Variants in MCF2L2 observed in about 807,000 individuals in gnomAD.
MCF2L2 encodes MCF.2 cell line derived transforming sequence-like 2.
A neutral mutation model predicts 150.2 loss-of-function variants in MCF2L2; 102 were observed. The ratio of observed to expected loss-of-function variants is 0.68; its 90% CI spans 0.58 to 0.80. The LOEUF (loss-of-function observed/expected upper bound fraction) is 0.80. MCF2L2 is among the 30% of genes least tolerant of loss of function. MCF2L2 has a pLI of 0.00. For missense variants in MCF2L2, 1,256 were observed against 1,372.8 expected (o/e 0.91, Z 1.34); for synonymous variants, 465 against 491.3 (o/e 0.95, Z 0.71).
At chr3:183,366,572 C>A (rs187791415) in intron 3 of MCF2L2, among the ~76,000 whole-genome samples, 1 of 151,876 alleles carries the variant, frequency 6.6e-6, no homozygotes, top group Non-Finnish European at 1.5e-5. Context: ...TGGAACCCAG[C>A]GGGGCAAAGG....
intron 1 of MCF2L2, among the ~76,000 whole-genome samples, chr3:183,401,427 A>T (rs1170197965): frequency 6.6e-6 from 1 of 152,198 alleles, no homozygotes; most frequent in Non-Finnish European, 1.5e-5. Context: ...TTAAAAAAAA[A>T]ATTTTTTTAA....
intron 22 of MCF2L2, among the ~76,000 whole-genome samples, chr3:183,215,237 C>T (rs1722871332): frequency 6.6e-6 from 1 of 152,134 alleles, no homozygotes; most frequent in Admixed American, 6.5e-5. Context: ...TTGTGCTGCT[C>T]TAAGCCACCA....
chr3:183,386,667 G>C (rs2108595060), intron 2 of MCF2L2, among the ~76,000 whole-genome samples: 2 of 152,300 alleles, frequency 1.3e-5, no homozygotes, highest in African/African-American at 4.8e-5. Context: ...ATCAGGAAAA[G>C]GAAGCTGCTA....
chr3:183,229,678 T>C lies in MCF2L2; in HGVS notation c.2033A>G (p.Glu678Gly). ...AATTATTATATACCTGTTGTGAAAT[T>C]CGTAAAGTTCTCTAATATTCCCAAA... ...FLFGNIRELY[E>G]FHNRTFLKEL... Residue 678 changes from glutamate (E) to glycine (G), a missense_variant, in exon 17 of 30, where the codon GAA becomes GGA. Coordinates refer to ENST00000328913, the MANE Select transcript of MCF2L2 (RefSeq NM_015078.4). 1 of 1,517,828 alleles carries C rather than the reference T, an allele frequency of 6.6e-7. No individual in the cohort carries two copies. 94.0% of individuals were successfully genotyped at this position (1,517,828 alleles called of 1,614,324 possible).
intron 3 of MCF2L2, among the ~76,000 whole-genome samples, chr3:183,363,396 G>A (rs996222536): frequency 1.3e-5 from 2 of 152,146 alleles, no homozygotes; most frequent in African/African-American, 4.8e-5. Flanking sequence ...ATTCATAATT[G>A]CCAAAACTGA....
chr3:183,357,059 T>G (rs1711829694), intron 3 of MCF2L2, among the ~76,000 whole-genome samples: 1 of 152,182 alleles, frequency 6.6e-6, no homozygotes, highest in Admixed American at 6.5e-5. Flanking sequence ...ATTAGTCATC[T>G]AGTAATGAAA....
At chr3:183,399,073 C>A (rs998709347) in intron 1 of MCF2L2, among the ~76,000 whole-genome samples, 1 of 152,044 alleles carries the variant, frequency 6.6e-6, no homozygotes, top group Non-Finnish European at 1.5e-5. Context: ...CAATTCAAGC[C>A]TTGTAAGGAT....
At chr3:183,193,349 TTTTC>T (rs200746505) in intron 26 of MCF2L2, among the ~76,000 whole-genome samples, 5,614 of 136,778 alleles carry the variant, frequency 0.041, 341 homozygotes, top group African/African-American at 0.16. Context: ...CTTTTTTTCT[TTTTC>T]TTTCTTTTTT....
rs550400693 is a variant in MCF2L2 at position 183,218,403 on chromosome 3, AG to A, written c.2370+1452del. Among the ~76,000 whole-genome samples the A allele has an allele frequency of 2.4e-3, 372 of 152,174 alleles. 1 individual carries two copies. The highest frequency in any genetic ancestry group is 8.6e-3 in the African/African-American group (358 of 41,514). The stretch of plus-strand genomic sequence containing the variant: ...GTAATCCCAGCACTTTGGGAGGCCG[AG>A]GGGGGGAGTGGATCACGAGGTCACG... On this transcript the variant is annotated intron_variant, in intron 21 of 29. Transcript: ENST00000328913.
chr3:183,298,765 G>GCGCGCGCGCGCGCGCACACACACACACA lies in MCF2L2; in HGVS notation c.1305+1239_1305+1240insTGTGTGTGTGTGTGCGCGCGCGCGCGCG. The GCGCGCGCGCGCGCGCACACACACACACA allele has an allele frequency of 1.2e-4, 17 of 138,584 alleles. No individual in the cohort carries two copies. The East Asian group carries it at 1.6e-3, about 13-fold the overall frequency. The allele number at this position is 138,584 out of a possible 1,614,324, so 8.6% of individuals were successfully genotyped here. A position where few individuals can be genotyped will look rare whatever the true frequency, so the allele number is the denominator to read the frequency against. ...CCCTCTCTCTCTCTCAAACACACAT[G>GCGCGCGCGCGCGCGCACACACACACACA]CACACACACACACACACACACACAC... On this transcript the variant is annotated intron_variant, in intron 11 of 29. Transcript: ENST00000328913.
chr3:183,384,060 T>G (rs1465140716), intron 2 of MCF2L2, among the ~76,000 whole-genome samples: 1 of 152,188 alleles, frequency 6.6e-6, no homozygotes, highest in Non-Finnish European at 1.5e-5. Context: ...AACCTCCACA[T>G]GGAGAAAAGT....
chr3:183,362,828 G>C (rs1712295033), intron 3 of MCF2L2, among the ~76,000 whole-genome samples: 1 of 152,006 alleles, frequency 6.6e-6, no homozygotes, highest in Non-Finnish European at 1.5e-5. Context: ...AAGAAAAAAA[G>C]AAAATTGGAA....
chr3:183,286,117 C>T (rs1727778858), intron 14 of MCF2L2, among the ~76,000 whole-genome samples: 1 of 152,182 alleles, frequency 6.6e-6, no homozygotes, highest in Admixed American at 6.5e-5. Flanking sequence ...TCAAGCTCCC[C>T]AGAACCAGCA....
chr3:183,205,811 G>C (rs1430952546), intron 25 of MCF2L2, 65 bp downstream of exon 25: 12 of 1,203,162 alleles, frequency 1.0e-5, no homozygotes, highest in Non-Finnish European at 1.3e-5. Context: ...TCCCCAATTT[G>C]CACATCCCCC....
At chr3:183,244,560 G>A (rs1168967066) in intron 15 of MCF2L2, among the ~76,000 whole-genome samples, 5 of 152,112 alleles carry the variant, frequency 3.3e-5, no homozygotes, top group Non-Finnish European at 5.9e-5. Flanking sequence ...GACTAATGCC[G>A]TGGGGTTAAG....
intron 27 of MCF2L2, among the ~76,000 whole-genome samples, chr3:183,182,294 G>A (rs922801979): frequency 2.6e-5 from 4 of 152,116 alleles, no homozygotes; most frequent in Admixed American, 2.6e-4. Flanking sequence ...ACCCACCTGG[G>A]CCAGTGACAG....
At chr3:183,266,113 T>C (rs1726092699) in intron 15 of MCF2L2, 1 of 152,210 alleles carries the variant, frequency 6.6e-6, no homozygotes, top group South Asian at 2.1e-4. Context: ...ACAGCAGCAA[T>C]GCACCAACCT....
At chr3:183,195,188 G>C (rs1722039504) in intron 26 of MCF2L2, 34 bp downstream of exon 26, 1 of 1,544,658 alleles carries the variant, frequency 6.5e-7, no homozygotes, top group Non-Finnish European at 8.8e-7. Context: ...CAAAGCATTT[G>C]ACATGCCTTT....
intron 1 of MCF2L2, among the ~76,000 whole-genome samples, chr3:183,402,438 A>T (rs1447464028): frequency 7.9e-6 from 1 of 127,216 alleles, no homozygotes; most frequent in African/African-American, 2.8e-5. Context: ...TGGGCTACAG[A>T]GCGAGACTCC....
Sources: gnomAD v4.1 joint callset for allele counts (sites outside exome capture counted in the v4.1 genomes callset) on GRCh38, gnomAD v4.1.1 for gene constraint, MANE v1.5 for transcripts, NCBI Gene and HGNC (gene_info 2026-07-23, HGNC 2026-07-21) for gene names.